The following CAPZA1 variants were observed in gnomAD, a reference collection of about 807,000 sequenced individuals.
CAPZA1 encodes F-actin-capping protein subunit alpha-1.
CAPZA1 carries 10 observed loss-of-function variants against 40.8 expected under a neutral mutation model. The ratio of observed to expected loss-of-function variants is 0.25; its 90% CI spans 0.15 to 0.42. The LOEUF is 0.42. CAPZA1 is among the 10% of genes least tolerant of loss of function. The pLI is 1.00. For missense variants in CAPZA1, 277 were observed against 353.8 expected, an observed-to-expected ratio of 0.78 and a Z score of 1.74; for synonymous variants, 98 against 115.0, an observed-to-expected ratio of 0.85 and a Z score of 0.95.
chr1:112,660,833 G>A (rs1180931670), intron 7 of CAPZA1, among the ~76,000 whole-genome samples: 1 of 141,596 alleles, frequency 7.1e-6, no homozygotes, highest in African/African-American at 2.6e-5. Context: ...ATTACCAAGA[G>A]TTGTCTTTTT....
At chr1:112,639,590 C>T (rs995252568) in intron 1 of CAPZA1, among the ~76,000 whole-genome samples, 3 of 152,124 alleles carry the variant, frequency 2.0e-5, no homozygotes, top group Non-Finnish European at 2.9e-5. Flanking sequence ...TCTTTATTGC[C>T]TTTAGGATTT....
At chr1:112,637,975 C>T (rs187275225) in intron 1 of CAPZA1, among the ~76,000 whole-genome samples, 1 of 152,274 alleles carries the variant, frequency 6.6e-6, no homozygotes, top group African/African-American at 2.4e-5. Flanking sequence ...GACTCTTGCT[C>T]TATGATCTTG....
At chr1:112,644,737 A>G (rs535793238) in intron 1 of CAPZA1, among the ~76,000 whole-genome samples, 2 of 152,328 alleles carry the variant, frequency 1.3e-5, no homozygotes, top group East Asian at 3.9e-4. Context: ...TTTCTCTCAT[A>G]GTATGTTAGA....
intron 4 of CAPZA1, among the ~76,000 whole-genome samples, chr1:112,653,925 C>T (rs1671449197): frequency 6.6e-6 from 1 of 152,108 alleles, no homozygotes; most frequent in South Asian, 2.1e-4. Context: ...CTTTAATTCT[C>T]CTTGATAAGA....
At chr1:112,635,648 C>T (rs1251467547) in intron 1 of CAPZA1, among the ~76,000 whole-genome samples, 1 of 151,618 alleles carries the variant, frequency 6.6e-6, no homozygotes, top group African/African-American at 2.4e-5. Flanking sequence ...TGTTAGCCAG[C>T]TGGTCTTGAA....
intron 3 of CAPZA1, 51 bp from the exon 4 acceptor site, chr1:112,653,545 TTC>T (rs1222855163): frequency 1.2e-5 from 14 of 1,201,038 alleles, no homozygotes; most frequent in Non-Finnish European, 1.4e-5. Flanking sequence ...CATAATTCTT[TTC>T]TCTCTCCCTC....
At position 112,671,523 on chromosome 1, in the gene CAPZA1, T is replaced by C. The variant is rs889672428; in HGVS notation, c.*1391T>C. 2.6e-5 allele frequency: 4 copies of C among 152,692 alleles called. No individual in the cohort carries two copies. Among genetic ancestry groups the C allele is most frequent in the African/African-American group, 9.6e-5 (4 of 41,470 alleles). 9.5% of individuals were successfully genotyped at this position (152,692 alleles called of 1,614,324 possible). The stretch of plus-strand genomic sequence containing the variant: ...CATTTTTGTTTATTTCAATAAAATA[T>C]ATTTGTATTATTTGTCCTTCATACT... On this transcript the variant is annotated 3_prime_UTR_variant, in exon 10 of 10. Coordinates refer to ENST00000263168, the MANE Select transcript of CAPZA1 (RefSeq NM_006135.3).
intron 7 of CAPZA1, among the ~76,000 whole-genome samples, chr1:112,666,439 A>G (rs974608957): frequency 1.3e-5 from 2 of 152,220 alleles, no homozygotes; most frequent in African/African-American, 4.8e-5. Context: ...AACTTAACCT[A>G]AAATGTCATT....
At chr1:112,649,703 C>T (rs1169610295) in intron 3 of CAPZA1, 8 of 517,240 alleles carry the variant, frequency 1.5e-5, no homozygotes, top group East Asian at 1.0e-4. Flanking sequence ...CACATTTGCC[C>T]GATTAAAGCA....
chr1:112,635,325 G>T (rs1557728502), intron 1 of CAPZA1, among the ~76,000 whole-genome samples: 1 of 152,236 alleles, frequency 6.6e-6, no homozygotes, highest in South Asian at 2.1e-4. Context: ...AATGAAGGAG[G>T]TAAAGATTTT....
intron 3 of CAPZA1, among the ~76,000 whole-genome samples, chr1:112,651,839 G>T (rs1055860538): frequency 1.4e-4 from 22 of 152,114 alleles, no homozygotes; most frequent in Non-Finnish European, 2.5e-4. Context: ...CTTTTGGCTG[G>T]GTGTGGTGGC....
chr1:112,647,863 G>A (rs1465294994), intron 2 of CAPZA1, among the ~76,000 whole-genome samples: 1 of 152,154 alleles, frequency 6.6e-6, no homozygotes, highest in Non-Finnish European at 1.5e-5. Flanking sequence ...ACTATCTGCT[G>A]TCTTAATACA....
chr1:112,633,656 A>G, intron 1 of CAPZA1, among the ~76,000 whole-genome samples: 1 of 152,146 alleles, frequency 6.6e-6, no homozygotes, highest in East Asian at 1.9e-4. Flanking sequence ...ATATTGCGGA[A>G]TTTCCATGCT....
At chr1:112,657,199 T>C (rs1054627028) in intron 5 of CAPZA1, among the ~76,000 whole-genome samples, 1 of 152,068 alleles carries the variant, frequency 6.6e-6, no homozygotes, top group Admixed American at 6.6e-5. Context: ...CATACCTATC[T>C]AATTTTTCTC....
Position 112,671,588 on chromosome 1 carries a change from A to C in CAPZA1, c.*1456A>C, listed in dbSNP as rs994444120. Reference sequence around the variant, plus strand: ...CACTATCTTCTGTATCAGGTAGTCTAATAGAAATATACCTGTTTTGTTCTA... The same window carrying C: ...CACTATCTTCTGTATCAGGTAGTCTCATAGAAATATACCTGTTTTGTTCTA... On this transcript the variant is annotated 3_prime_UTR_variant, in exon 10 of 10. Transcript: ENST00000263168. The C allele has an allele frequency of 1.3e-5, 2 of 152,650 alleles. No individual in the cohort carries two copies. The highest frequency in any genetic ancestry group is 2.9e-5 in the Non-Finnish European group (2 of 68,042). 9.5% of individuals were successfully genotyped at this position (152,650 alleles called of 1,614,324 possible).
intron 1 of CAPZA1, chr1:112,620,787 A>G (rs779261318): frequency 5.9e-5 from 9 of 152,224 alleles, no homozygotes; most frequent in Non-Finnish European, 1.0e-4. Context: ...AGCACATTCT[A>G]AGGTGGAATA....
At chr1:112,660,095 T>C (rs1671575492) in intron 7 of CAPZA1, among the ~76,000 whole-genome samples, 1 of 151,996 alleles carries the variant, frequency 6.6e-6, no homozygotes, top group Non-Finnish European at 1.5e-5. Context: ...TTATTATTTT[T>C]TGGGACAGAG....
intron 2 of CAPZA1, among the ~76,000 whole-genome samples, chr1:112,648,292 T>C (rs2101164387): frequency 6.6e-6 from 1 of 152,038 alleles, no homozygotes; most frequent in African/African-American, 2.4e-5. Context: ...TCTTTTACAT[T>C]GACTAAATGT....
At chr1:112,664,230 C>CAAAAAA (rs570249032) in intron 7 of CAPZA1, among the ~76,000 whole-genome samples, 1 of 110,482 alleles carries the variant, frequency 9.1e-6, no homozygotes, top group African/African-American at 3.4e-5. Flanking sequence ...GACACTGTCT[C>CAAAAAA]AAAAAAAAAA....
Sources: allele counts gnomAD v4.1 joint callset (sites outside exome capture counted in the v4.1 genomes callset), GRCh38; gene constraint gnomAD v4.1.1; transcripts MANE v1.5; gene names NCBI Gene and HGNC (gene_info 2026-07-23, HGNC 2026-07-21).